Variants in LDLRAD3 observed in about 807,000 individuals in gnomAD.
LDLRAD3 encodes low density lipoprotein receptor class A domain containing 3.
A neutral mutation model predicts 29.4 loss-of-function variants in LDLRAD3; 20 were observed. The ratio of observed to expected loss-of-function variants is 0.68; its 90% confidence interval spans 0.48 to 0.99. The LOEUF (loss-of-function observed/expected upper bound fraction) is 0.99, where lower values mean the gene tolerates loss of function less well. Among genes scored for constraint, LDLRAD3 ranks in the 50% least tolerant of loss-of-function variants. The pLI is 0.00. For synonymous variants in LDLRAD3, 157 were observed against 192.7 expected (o/e 0.81, Z 1.53); for missense variants, 420 against 454.3 (o/e 0.92, Z 0.69).
intron 1 of LDLRAD3, among the ~76,000 whole-genome samples, chr11:36,013,907 T>C (rs1851987996): frequency 3.3e-5 from 5 of 152,172 alleles, no homozygotes; most frequent in Non-Finnish European, 7.3e-5. Context: ...TCCGCTAGGA[T>C]CAGGAAGACA....
At chr11:36,017,358 C>T (rs1238763346) in intron 1 of LDLRAD3, among the ~76,000 whole-genome samples, 1 of 152,138 alleles carries the variant, frequency 6.6e-6, no homozygotes, top group African/African-American at 2.4e-5. Flanking sequence ...TGTTCTTTGG[C>T]CTTCCAGAAA....
intron 4 of LDLRAD3, among the ~76,000 whole-genome samples, chr11:36,103,533 C>G (rs2133279438): frequency 6.6e-6 from 1 of 152,334 alleles, no homozygotes; most frequent in African/African-American, 2.4e-5. Context: ...GCCACCGTGC[C>G]TGGCCCAGTA....
chr11:36,068,047 G>T (rs1286913324), intron 2 of LDLRAD3, among the ~76,000 whole-genome samples: 1 of 152,074 alleles, frequency 6.6e-6, no homozygotes, highest in East Asian at 1.9e-4. Context: ...TCTGCTTATT[G>T]TCTCTTTTTC....
chr11:36,057,531 A>T (rs1852639266), intron 2 of LDLRAD3, among the ~76,000 whole-genome samples: 1 of 152,118 alleles, frequency 6.6e-6, no homozygotes, highest in Admixed American at 6.5e-5. Flanking sequence ...GTTTTGCTCC[A>T]AGAATCTCTT....
At chr11:36,080,616 G>T (rs527969134) in intron 2 of LDLRAD3, among the ~76,000 whole-genome samples, 1 of 152,164 alleles carries the variant, frequency 6.6e-6, no homozygotes, top group African/African-American at 2.4e-5. Flanking sequence ...ATACTCATTT[G>T]TTTGGGGCTC....
intron 4 of LDLRAD3, among the ~76,000 whole-genome samples, chr11:36,132,377 T>C (rs1360459500): frequency 6.6e-6 from 1 of 152,218 alleles, no homozygotes; most frequent in Non-Finnish European, 1.5e-5. Context: ...GCTTCAATGA[T>C]GTGTGATTAT....
intron 4 of LDLRAD3, among the ~76,000 whole-genome samples, chr11:36,157,098 T>C (rs1854364439): frequency 6.6e-6 from 1 of 152,216 alleles, no homozygotes; most frequent in African/African-American, 2.4e-5. Context: ...TAAACAATTC[T>C]ATTAAGGGCA....
chr11:36,119,371 T>G (rs1460745752), intron 4 of LDLRAD3, among the ~76,000 whole-genome samples: 1 of 152,188 alleles, frequency 6.6e-6, no homozygotes, highest in Non-Finnish European at 1.5e-5. Flanking sequence ...CTGTTTTAAC[T>G]CTGAGGAACT....
intron 1 of LDLRAD3, among the ~76,000 whole-genome samples, chr11:35,988,485 A>G (rs1411161687): frequency 2.0e-5 from 3 of 152,178 alleles, no homozygotes; most frequent in African/African-American, 7.2e-5. Flanking sequence ...TGGGATGCAT[A>G]GTTTGTGAAT....
intron 3 of LDLRAD3, among the ~76,000 whole-genome samples, chr11:36,084,131 C>T (rs189009724): frequency 1.1e-3 from 163 of 152,152 alleles, no homozygotes; most frequent in African/African-American, 3.1e-3. Context: ...TACCCTGTTG[C>T]CCAAGCTGGT....
At chr11:36,088,338 A>G (rs145392291) in intron 3 of LDLRAD3, among the ~76,000 whole-genome samples, 1 of 152,022 alleles carries the variant, frequency 6.6e-6, no homozygotes, top group African/African-American at 2.4e-5. Flanking sequence ...TTCAGTAAGG[A>G]TGAGGACTCC....
intron 1 of LDLRAD3, among the ~76,000 whole-genome samples, chr11:36,023,862 G>T (rs1247154806): frequency 6.6e-6 from 1 of 152,158 alleles, no homozygotes; most frequent in Admixed American, 6.5e-5. Context: ...GGAAGGGTTC[G>T]TTCATGTGTA....
At chr11:36,154,041 C>T (rs11827363) in intron 4 of LDLRAD3, among the ~76,000 whole-genome samples, 48,622 of 151,912 alleles carry the variant, frequency 0.32, 8,963 homozygotes, top group Non-Finnish European at 0.41. Flanking sequence ...CCAGAAGCCT[C>T]GGGTTCCAGT....
intron 4 of LDLRAD3, among the ~76,000 whole-genome samples, chr11:36,160,681 T>C (rs1854426010): frequency 1.3e-5 from 2 of 151,812 alleles, no homozygotes; most frequent in South Asian, 4.2e-4. Flanking sequence ...TTCATATTGG[T>C]TTTCAGTTTT....
intron 1 of LDLRAD3, among the ~76,000 whole-genome samples, chr11:36,005,786 A>G (rs1363557998): frequency 6.6e-6 from 1 of 152,194 alleles, no homozygotes; most frequent in Admixed American, 6.5e-5. Context: ...AAGCATGACT[A>G]GGAGGCCTCA....
chr11:36,174,887 CAGGAGA>C (rs1274734083), intron 4 of LDLRAD3, among the ~76,000 whole-genome samples: 8 of 152,046 alleles, frequency 5.3e-5, no homozygotes, highest in Non-Finnish European at 1.2e-4. Context: ...GAGGCTGAGA[CAGGAGA>C]ATGGCATGAA....
intron 1 of LDLRAD3, among the ~76,000 whole-genome samples, chr11:36,034,879 T>C (rs1282258588): frequency 6.6e-6 from 1 of 152,204 alleles, no homozygotes; most frequent in South Asian, 2.1e-4. Context: ...GCATAAAGGA[T>C]AGTGGCCTGT....
chr11:36,052,865 A>C (rs1430940543), intron 2 of LDLRAD3, among the ~76,000 whole-genome samples: 1 of 152,202 alleles, frequency 6.6e-6, no homozygotes, highest in East Asian at 1.9e-4. Context: ...CATAAAGAGA[A>C]ATGCTGCCCA....
chr11:36,106,063 A>G (rs1437423482), intron 4 of LDLRAD3, among the ~76,000 whole-genome samples: 1 of 152,160 alleles, frequency 6.6e-6, no homozygotes, highest in Non-Finnish European at 1.5e-5. Context: ...GCCGGTAAAG[A>G]ATCCCCTTGG....
Sources: gnomAD v4.1 joint callset for allele counts (sites outside exome capture counted in the v4.1 genomes callset) on GRCh38, gnomAD v4.1.1 for gene constraint, MANE v1.5 for transcripts, NCBI Gene and HGNC (gene_info 2026-07-23, HGNC 2026-07-21) for gene names.